CEP170: variants seen among roughly 807,000 people sequenced by gnomAD.
CEP170 encodes the protein centrosomal protein 170.
A neutral mutation model predicts 151.9 loss-of-function variants in CEP170; 21 were observed. The observed-to-expected ratio is 0.14, with a 90% confidence interval of 0.10 to 0.20. CEP170 has a LOEUF of 0.20. CEP170 is among the 10% of genes least tolerant of loss of function. CEP170 has a pLI of 1.00. For synonymous variants in CEP170, 356 were observed against 648.8 expected, an observed-to-expected ratio of 0.55 and a Z score of 6.86; for missense variants, 964 against 1,892.9, an observed-to-expected ratio of 0.51 and a Z score of 9.11.
rs561838257 is a variant in CEP170 at position 243,233,786 on chromosome 1, T to C, written c.-41-8465A>G. On this transcript the variant is annotated intron_variant, in intron 1 of 19. Transcript: ENST00000366542. Reference sequence around the variant, plus strand: ...TATATATTTTAAAACGTTGTTCCTATTCACATATCATTCAAATCGAGGAAT... The same window carrying C: ...TATATATTTTAAAACGTTGTTCCTACTCACATATCATTCAAATCGAGGAAT... 2.3e-3 allele frequency among the ~76,000 whole-genome samples: 345 copies of C among 149,796 alleles called. 1 individual carries two copies. The highest frequency in any genetic ancestry group is 8.2e-3 in the African/African-American group (337 of 40,980).
chr1:243,217,868 A>G (rs1473421911), intron 3 of CEP170, among the ~76,000 whole-genome samples: 4 of 152,222 alleles, frequency 2.6e-5, no homozygotes, highest in East Asian at 1.9e-4. Context: ...GGAGTCCAGA[A>G]GTGGCAATGT....
Position 243,185,809 on chromosome 1 carries a change from C to T in CEP170, c.1536G>A (p.Glu512=), listed in dbSNP as rs1205050166. The part of the protein sequence containing the change: ...YTIELENPNS[E]EVEARKMIDK... ...CAATCATTTTTCTTGCTTCCACTTC[C>T]TCACTGTTGGGATTCTCTAACTCAA... The change falls in exon 10 of 20, where the codon GAG becomes GAA. Residue 512 remains glutamate, a synonymous_variant. Coordinates refer to ENST00000366542, the MANE Select transcript of CEP170 (RefSeq NM_014812.3). The surrounding 1 kb of genome is among the most constrained non-coding windows in gnomAD (Gnocchi z 4.9). The T allele has an allele frequency of 2.5e-6, 4 of 1,594,950 alleles. No homozygotes were observed. Among genetic ancestry groups the T allele is most frequent in the Non-Finnish European group, 2.6e-6 (3 of 1,172,046 alleles).
In CEP170 at chr1:243,221,769, C is replaced by A; in HGVS notation, c.150G>T (p.Ala50=). The change falls in exon 3 of 20, where the codon GCG becomes GCT. Residue 50 remains alanine (A), a synonymous_variant. Transcript: ENST00000366542. ...DKQHAVINYD[A]STDEHLVKDL... ...CCTTCACTAAATGCTCATCCGTAGACGCATCATAGTTGATGACAGCGTGTT... is the reference window on the plus strand; with the variant it reads ...CCTTCACTAAATGCTCATCCGTAGAAGCATCATAGTTGATGACAGCGTGTT... The A allele has an allele frequency of 1.2e-6, 2 of 1,613,112 alleles. No individual in the cohort carries two copies. Among genetic ancestry groups the A allele is most frequent in the South Asian group, 1.1e-5 (1 of 90,884 alleles).
At chr1:243,230,445 A>G (rs930528386) in intron 1 of CEP170, among the ~76,000 whole-genome samples, 1 of 152,242 alleles carries the variant, frequency 6.6e-6, no homozygotes, top group Non-Finnish European at 1.5e-5. Flanking sequence ...TGAAGGTGTT[A>G]AATCAACTAT....
intron 4 of CEP170, among the ~76,000 whole-genome samples, chr1:243,205,621 T>C (rs1415876650): frequency 6.6e-6 from 1 of 152,170 alleles, no homozygotes; most frequent in Non-Finnish European, 1.5e-5. Context: ...GCCTAACAAA[T>C]CTTAAAGGAA....
chr1:243,241,014 A>G (rs2064783558), intron 1 of CEP170, among the ~76,000 whole-genome samples: 1 of 152,206 alleles, frequency 6.6e-6, no homozygotes, highest in Non-Finnish European at 1.5e-5. Flanking sequence ...TTCAAACAAC[A>G]AAGTGCTTAA....
In CEP170 at chr1:243,185,889, C is replaced by G. The variant is rs1301541557; in HGVS notation, c.1456G>C (p.Ala486Pro). 3 of 1,613,652 alleles carry G rather than the reference C, an allele frequency of 1.9e-6. No individual in the cohort carries two copies. The highest frequency in any genetic ancestry group is 2.5e-6 in the Non-Finnish European group (3 of 1,179,696). Residue 486 changes from alanine to proline, a missense_variant, in exon 10 of 20, where the codon GCT becomes CCT. Ala to Pro is a conservative substitution (Grantham distance 27). Coordinates refer to ENST00000366542, the MANE Select transcript of CEP170 (RefSeq NM_014812.3). The surrounding 1 kb of genome is among the most constrained non-coding windows in gnomAD (Gnocchi z 4.9). The stretch of plus-strand genomic sequence containing the variant: ...TCATCATTATCCTTTTCAGAAGTAG[C>G]AGAAGTTGCTTGATTTTTTAACATT... Reference protein sequence around the residue: ...DKMLKNQATSATSEKDNDDDQ... With the variant: ...DKMLKNQATSPTSEKDNDDDQ...
At chr1:243,203,301 T>A (rs1490828947) in intron 4 of CEP170, among the ~76,000 whole-genome samples, 1 of 152,208 alleles carries the variant, frequency 6.6e-6, no homozygotes, top group Non-Finnish European at 1.5e-5. Flanking sequence ...AAAATCATAA[T>A]TTGACAGGTT....
chr1:243,230,823 G>T lies in CEP170; in HGVS notation c.-41-5502C>A, dbSNP rs558620288. Among the ~76,000 whole-genome samples the T allele has an allele frequency of 2.6e-5, 4 of 152,194 alleles. No homozygotes were observed. The South Asian group carries it at 8.3e-4, about 32-fold the overall frequency. On this transcript the variant is annotated intron_variant, in intron 1 of 19. Transcript: ENST00000366542. ...AGGTGTCCCAGAAGGAAATATGACA[G>T]AAAAGTATTTGAAGTCTTAATGGAA...
chr1:243,195,819 C>T (rs1179039987), intron 7 of CEP170, among the ~76,000 whole-genome samples: 2 of 151,972 alleles, frequency 1.3e-5, no homozygotes, highest in East Asian at 3.9e-4. Flanking sequence ...TTTTCCTCAT[C>T]CTATATTTTA....
chr1:243,156,251 T>C lies in CEP170; in HGVS notation c.3881A>G (p.Asp1294Gly). 6.3e-7 allele frequency: 1 copy of C among 1,589,918 alleles called. No individual in the cohort carries two copies. The highest frequency in any genetic ancestry group is 8.6e-7 in the Non-Finnish European group (1 of 1,168,360). Residue 1294 changes from aspartate to glycine, a missense_variant, in exon 14 of 20, where the codon GAT (aspartate) becomes GGT (glycine). Transcript: ENST00000366542. Reference protein sequence around the residue: ...RIKEQEDYIRDWTAHREEIAR... With the variant: ...RIKEQEDYIRGWTAHREEIAR... ...TATCTCTTCTCGATGAGCAGTCCAA[T>C]CTCGGATGTAGTCTTCCTGCTCTTT... is the stretch of plus-strand genomic sequence containing the variant.
intron 10 of CEP170, among the ~76,000 whole-genome samples, chr1:243,175,934 C>G (rs1216718888): frequency 6.6e-6 from 1 of 151,890 alleles, no homozygotes; most frequent in Non-Finnish European, 1.5e-5. Context: ...GTAGCTGGGA[C>G]TACAGGCGCC....
In CEP170 at chr1:243,191,440, T is replaced by G. The variant is rs1384373549; in HGVS notation, c.686A>C (p.Glu229Ala). The stretch of plus-strand genomic sequence containing the variant: ...TTCCCTACAGAAAGGAAAAAGTACT[T>G]CTTCATTTGCAGCTGCAGATTGTTC... ...VEEQSAAANEEVLFPFCREPS... is the reference protein window; with the variant it reads ...VEEQSAAANEAVLFPFCREPS... The change falls in exon 8 of 20, where the codon GAA becomes GCA. Residue 229 changes from glutamate (E) to alanine (A), a missense_variant. Glu to Ala is a moderately radical substitution (Grantham distance 107, BLOSUM62 -1). Coordinates refer to ENST00000366542, the MANE Select transcript of CEP170 (RefSeq NM_014812.3). 1 of 1,547,872 alleles carries G rather than the reference T, an allele frequency of 6.5e-7. No homozygotes were observed. Among genetic ancestry groups the G allele is most frequent in the African/African-American group, 1.4e-5 (1 of 71,804 alleles).
At chr1:243,204,714 C>G (rs1389839739) in intron 4 of CEP170, among the ~76,000 whole-genome samples, 1 of 152,104 alleles carries the variant, frequency 6.6e-6, no homozygotes, top group Non-Finnish European at 1.5e-5. Context: ...AACCTCTTAT[C>G]AATCTATATT....
intron 2 of CEP170, 42 bp downstream of exon 2, chr1:243,225,134 A>G: frequency 8.1e-7 from 1 of 1,228,500 alleles, no homozygotes; most frequent in South Asian, 1.6e-5. Flanking sequence ...CACTAATTTC[A>G]AGTTTTGAAT....
At chr1:243,250,762 TTCTC>T (rs763568605) in intron 1 of CEP170, among the ~76,000 whole-genome samples, 4 of 151,660 alleles carry the variant, frequency 2.6e-5, no homozygotes, top group South Asian at 2.1e-4. Flanking sequence ...CATGTAACAT[TTCTC>T]TCTCTCTCTC....
intron 1 of CEP170, among the ~76,000 whole-genome samples, chr1:243,246,479 G>C (rs2065412417): frequency 6.6e-6 from 1 of 152,028 alleles, no homozygotes; most frequent in Non-Finnish European, 1.5e-5. Context: ...TGATCTGCTG[G>C]CTTCGGCCTC....
At chr1:243,242,614 C>A (rs2064964125) in intron 1 of CEP170, among the ~76,000 whole-genome samples, 1 of 152,162 alleles carries the variant, frequency 6.6e-6, no homozygotes, top group Non-Finnish European at 1.5e-5. Flanking sequence ...GGTATGGTAC[C>A]CTCCCCAAGT....
At chr1:243,218,366 C>A (rs2062495110) in intron 3 of CEP170, among the ~76,000 whole-genome samples, 1 of 152,212 alleles carries the variant, frequency 6.6e-6, no homozygotes, top group Non-Finnish European at 1.5e-5. Flanking sequence ...ACCAGAGGGG[C>A]AAGGGCCCCA....
Sources: allele counts gnomAD v4.1 joint callset (sites outside exome capture counted in the v4.1 genomes callset), GRCh38; gene constraint gnomAD v4.1.1; non-coding constraint Gnocchi (gnomAD v3.1); transcripts MANE v1.5; gene names NCBI Gene and HGNC (gene_info 2026-07-23, HGNC 2026-07-21).